ST6GALNAC1: variants seen among roughly 807,000 people sequenced by gnomAD.
ST6GALNAC1 encodes the protein ST6 N-acetylgalactosaminide alpha-2,6-sialyltransferase 1, also known as alpha-N-acetylgalactosaminide alpha-2,6-sialyltransferase 1.
ST6GALNAC1 carries 45 observed loss-of-function variants against 56.8 expected under a neutral mutation model. That is an observed-to-expected ratio of 0.79 (90% CI 0.62 to 1.02). The LOEUF (loss-of-function observed/expected upper bound fraction) is 1.02, where lower values mean the gene tolerates loss of function less well. ST6GALNAC1 is among the 50% of genes least tolerant of loss of function. The pLI, the probability that ST6GALNAC1 is intolerant of heterozygous loss-of-function variation, is 0.00. For synonymous variants in ST6GALNAC1, 295 were observed against 297.8 expected (o/e 0.99, Z 0.10); for missense variants, 743 against 754.8 (o/e 0.98, Z 0.18).
At chr17:76,628,140 T>C (rs2075834973) in intron 2 of ST6GALNAC1, among the ~76,000 whole-genome samples, 1 of 149,958 alleles carries the variant, frequency 6.7e-6, no homozygotes, top group African/African-American at 2.5e-5. Context: ...TTTGTAAGTG[T>C]GAGAGGGGCC....
In ST6GALNAC1 at chr17:76,627,958, G is replaced by A. The variant is rs917292389; in HGVS notation, c.832-375C>T. Among the ~76,000 whole-genome samples, 3 of 152,116 alleles carry A rather than the reference G, an allele frequency of 2.0e-5. No homozygotes were observed. Among genetic ancestry groups the A allele is most frequent in the Middle Eastern group, 3.4e-3 (1 of 294 alleles). On this transcript the variant is annotated intron_variant, in intron 2 of 8. Transcript: ENST00000156626. This position sits in a 1 kb window ranked among gnomAD's most constrained non-coding sequence, Gnocchi z 4.4. ...TAAAAATACAAAAAATTAGCCGGGC[G>A]TGGTGGCGGGCGCCTGTAGTTCCAG... is the stretch of plus-strand genomic sequence containing the variant.
In ST6GALNAC1 at chr17:76,627,352, T is replaced by G; in HGVS notation, c.1000+63A>C. The G allele has an allele frequency of 6.3e-7, 1 of 1,591,290 alleles. No individual in the cohort carries two copies. On this transcript the variant is annotated intron_variant, in intron 3 of 8. Transcript: ENST00000156626. This position sits in a 1 kb window ranked among gnomAD's most constrained non-coding sequence, Gnocchi z 4.4. The stretch of plus-strand genomic sequence containing the variant: ...GGAAGAGGCAGACCAGAAAGCCAGC[T>G]GCCCTCTGCCCTCTGCCCCGGCCTA...
intron 6 of ST6GALNAC1, 91 bp downstream of exon 6, chr17:76,626,198 G>T: frequency 6.5e-7 from 1 of 1,544,870 alleles, no homozygotes; most frequent in Non-Finnish European, 8.9e-7. Flanking sequence ...CCAGGTGATA[G>T]CTAAGGCTGT....
At position 76,627,767 on chromosome 17, in the gene ST6GALNAC1, G is replaced by A. The variant is rs1339925859; in HGVS notation, c.832-184C>T. Among the ~76,000 whole-genome samples, 2 of 152,194 alleles carry A rather than the reference G, an allele frequency of 1.3e-5. No individual in the cohort carries two copies. Among genetic ancestry groups the A allele is most frequent in the Non-Finnish European group, 2.9e-5 (2 of 68,024 alleles). ...CATTGTCTGGGCTCATTGTGGTCCTGAGGGTTCTGGGAAATGGGTGTTCTC... is the reference window on the plus strand; with the variant it reads ...CATTGTCTGGGCTCATTGTGGTCCTAAGGGTTCTGGGAAATGGGTGTTCTC... On this transcript the variant is annotated intron_variant, in intron 2 of 8. Coordinates refer to ENST00000156626, the MANE Select transcript of ST6GALNAC1 (RefSeq NM_018414.5). The surrounding 1 kb of genome is among the most constrained non-coding windows in gnomAD (Gnocchi z 4.4).
intron 2 of ST6GALNAC1, among the ~76,000 whole-genome samples, chr17:76,628,268 C>CTCCTTCCCTCCT (rs2075839587): frequency 2.7e-5 from 1 of 37,494 alleles, no homozygotes; most frequent in Admixed American, 3.6e-4. Flanking sequence ...CCCTCCCTCC[C>CTCCTTCCCTCCT]TCCTTCCTTC....
At position 76,627,088 on chromosome 17, in the gene ST6GALNAC1, TC is replaced by T; in HGVS notation, c.1150del (p.Asp384ThrfsTer9). 6.4e-7 allele frequency: 1 copy of T among 1,565,244 alleles called. No individual in the cohort carries two copies. The highest frequency in any genetic ancestry group is 8.7e-7 in the Non-Finnish European group (1 of 1,155,872). On this transcript the variant is annotated frameshift_variant, in exon 4 of 9. Coordinates refer to ENST00000156626, the MANE Select transcript of ST6GALNAC1 (RefSeq NM_018414.5). LOFTEE classifies it high-confidence loss of function. This position sits in a 1 kb window ranked among gnomAD's most constrained non-coding sequence, Gnocchi z 4.4. Reference sequence around the variant, plus strand: ...TTACCGGAACACGTAGTCGTGACTGTCTATCTCCTGGCCCATGTGGGAGTTG... The same window carrying T: ...TTACCGGAACACGTAGTCGTGACTGTTATCTCCTGGCCCATGTGGGAGTTG... Reference protein sequence around the residue: ...LNNSHMGQEIDSHDYVFRLSG... With the variant: ...LNNSHMGQEIXSHDYVFRLSG...
rs1415562096 is a variant in ST6GALNAC1 at position 76,637,602 on chromosome 17, A to G, written c.131+5906T>C. On this transcript the variant is annotated intron_variant, in intron 1 of 8. Transcript: ENST00000156626. ...AAAACCCAAAAAAAGTCTCTCACAC[A>G]TAAGCCAGGTGGACCTGAAAGAGCC... The G allele has an allele frequency of 7.5e-6, 3 of 398,572 alleles. No homozygotes were observed. The East Asian group carries it at 1.1e-4, about 14-fold the overall frequency. 24.7% of individuals were successfully genotyped at this position (398,572 alleles called of 1,614,324 possible).
At chr17:76,625,694 C>A in intron 8 of ST6GALNAC1, 125 bp downstream of exon 8, 1 of 1,140,488 alleles carries the variant, frequency 8.8e-7, no homozygotes. Context: ...CACCCATACT[C>A]ATGCCCACCC....
chr17:76,628,892 C>A (rs923197803), intron 2 of ST6GALNAC1, 120 bp downstream of exon 2: 9 of 913,948 alleles, frequency 9.8e-6, no homozygotes, highest in Admixed American at 7.2e-5. Context: ...GAGCTTGGGG[C>A]AGGACAAGAC....
Position 76,627,238 on chromosome 17 carries a change from A to C in ST6GALNAC1, c.1001T>G (p.Leu334Trp). Residue 334 changes from leucine (L) to tryptophan (W), a missense_variant and splice_region_variant, in exon 4 of 9, where the codon TTG becomes TGG. Leu to Trp is a moderately conservative substitution (Grantham distance 61). Coordinates refer to ENST00000156626, the MANE Select transcript of ST6GALNAC1 (RefSeq NM_018414.5). The surrounding 1 kb of genome is among the most constrained non-coding windows in gnomAD (Gnocchi z 4.4). ...GAAGCGTGTCACGACCTTCTGCACC[A>C]CTGGAACAAGAGTGGGGGTGCTCCA... Reference protein sequence around the residue: ...PFGFMELNYSLVQKVVTRFPP... With the variant: ...PFGFMELNYSWVQKVVTRFPP... 6.4e-7 allele frequency: 1 copy of C among 1,560,410 alleles called. No individual in the cohort carries two copies. Among genetic ancestry groups the C allele is most frequent in the Non-Finnish European group, 8.7e-7 (1 of 1,153,196 alleles).
chr17:76,642,218 G>A (rs935741258), intron 1 of ST6GALNAC1, among the ~76,000 whole-genome samples: 2 of 109,848 alleles, frequency 1.8e-5, no homozygotes, highest in Non-Finnish European at 3.5e-5. Context: ...CTCTCTATCT[G>A]CCTATCTATC....
chr17:76,629,424 C>G lies in ST6GALNAC1; in HGVS notation c.419G>C (p.Arg140Thr). ...EKTMVNTLSP[R>T]GQDAGMASGR... The stretch of plus-strand genomic sequence containing the variant: ...AGAGGCCATCCCTGCATCTTGCCCT[C>G]TGGGTGACAGTGTGTTCACCATGGT... The change falls in exon 2 of 9, where the codon AGA becomes ACA. Residue 140 changes from arginine (R) to threonine (T), a missense_variant. Arg to Thr is a moderately conservative substitution (Grantham distance 71, BLOSUM62 -1). Coordinates refer to ENST00000156626, the MANE Select transcript of ST6GALNAC1 (RefSeq NM_018414.5). 2 of 1,614,182 alleles carry G rather than the reference C, an allele frequency of 1.2e-6. No individual in the cohort carries two copies. Among genetic ancestry groups the G allele is most frequent in the Non-Finnish European group, 1.7e-6 (2 of 1,180,018 alleles).
chr17:76,624,099 C>A (rs1298840134), downstream of ST6GALNAC1, among the ~76,000 whole-genome samples: 1 of 152,144 alleles, frequency 6.6e-6, no homozygotes, highest in Non-Finnish European at 1.5e-5. Context: ...TGGCACTGCA[C>A]CCTTTTAGTG....
chr17:76,640,647 C>T (rs530762372), intron 1 of ST6GALNAC1, among the ~76,000 whole-genome samples: 14 of 152,084 alleles, frequency 9.2e-5, no homozygotes, highest in African/African-American at 2.7e-4. Flanking sequence ...TCTTATTAAG[C>T]TTAAAGAACA....
chr17:76,637,985 G>A (rs1468342034), intron 1 of ST6GALNAC1, among the ~76,000 whole-genome samples: 1 of 151,728 alleles, frequency 6.6e-6, no homozygotes, highest in African/African-American at 2.4e-5. Context: ...ATGTGCCACC[G>A]TGCCCGGCTA....
Position 76,629,192 on chromosome 17 carries a change from T to C in ST6GALNAC1, c.651A>G (p.Lys217=). The stretch of plus-strand genomic sequence containing the variant: ...GTGGGATGACTGCTGTGGTCACTCC[T>C]TTCTGTCTCGTCCTTGTTGACACTG... ...TGAVSTRTRQ[K]GVTTAVIPPK... Residue 217 remains lysine (K), a synonymous_variant, in exon 2 of 9, where the codon AAA becomes AAG. Transcript: ENST00000156626. The C allele has an allele frequency of 6.2e-7, 1 of 1,614,110 alleles. No individual in the cohort carries two copies. The highest frequency in any genetic ancestry group is 8.5e-7 in the Non-Finnish European group (1 of 1,180,002).
chr17:76,621,381 C>G (rs954174245), downstream of ST6GALNAC1, among the ~76,000 whole-genome samples: 1 of 151,140 alleles, frequency 6.6e-6, no homozygotes, highest in East Asian at 1.9e-4. Flanking sequence ...TGGGGTTTCA[C>G]CATGCTGGCC....
intron 1 of ST6GALNAC1, among the ~76,000 whole-genome samples, chr17:76,635,272 C>T (rs1422799434): frequency 2.0e-5 from 3 of 152,144 alleles, no homozygotes; most frequent in Non-Finnish European, 4.4e-5. Flanking sequence ...TCCAGAGCTC[C>T]CCCTGAACAG....
chr17:76,627,174 G>T lies in ST6GALNAC1; in HGVS notation c.1065C>A (p.Leu355=). 1.2e-6 allele frequency: 2 copies of T among 1,603,636 alleles called. No individual in the cohort carries two copies. The highest frequency in any genetic ancestry group is 1.7e-6 in the Non-Finnish European group (2 of 1,174,480). Reference sequence around the variant, plus strand: ...TGATGCACCGGAGGCTCCCAGCGGGGAGGCTGGCCAGGAGCAGCTGCTGCT... The same window carrying T: ...TGATGCACCGGAGGCTCCCAGCGGGTAGGCTGGCCAGGAGCAGCTGCTGCT... The part of the protein sequence containing the change: ...VPQQQLLLAS[L]PAGSLRCITC... Residue 355 remains leucine (L), a synonymous_variant, in exon 4 of 9, where the codon CTC becomes CTA. Coordinates refer to ENST00000156626, the MANE Select transcript of ST6GALNAC1 (RefSeq NM_018414.5). This position sits in a 1 kb window ranked among gnomAD's most constrained non-coding sequence, Gnocchi z 4.4.
Sources: allele counts gnomAD v4.1 joint callset (sites outside exome capture counted in the v4.1 genomes callset), GRCh38; gene constraint gnomAD v4.1.1; non-coding constraint Gnocchi (gnomAD v3.1); transcripts MANE v1.5; gene names NCBI Gene and HGNC (gene_info 2026-07-23, HGNC 2026-07-21).